RTL4: variants seen among roughly 807,000 people sequenced by gnomAD.
RTL4 encodes the protein retrotransposon Gag like 4.
Under a neutral mutation model 5.3 loss-of-function variants are expected in RTL4, and 4 were observed. That is an observed-to-expected ratio of 0.75 (90% CI 0.37 to 1.72). RTL4 has a LOEUF of 1.72. Among genes scored for constraint, RTL4 ranks in the 40% most tolerant of loss-of-function variants. RTL4 has a pLI of 0.04. For missense variants in RTL4, 260 were observed against 227.1 expected, an observed-to-expected ratio of 1.14 and a Z score of -0.93; for synonymous variants, 98 against 87.3, an observed-to-expected ratio of 1.12 and a Z score of -0.68.
the RTL4 span, among the ~76,000 whole-genome samples, chrX:112,342,187 G>A: frequency 4.5e-5 from 5 of 111,274 alleles, no homozygotes; most frequent in Non-Finnish European, 9.4e-5. Flanking sequence ...GAATAATAGA[G>A]TCATGGTATC....
the RTL4 span, among the ~76,000 whole-genome samples, chrX:112,443,278 G>C: frequency 1.8e-5 from 2 of 111,741 alleles, no homozygotes; most frequent in Admixed American, 9.5e-5. Context: ...ATTTTTTATT[G>C]CTGAATAGTA....
the RTL4 span, among the ~76,000 whole-genome samples, chrX:112,372,767 G>C: frequency 1.1e-4 from 12 of 111,892 alleles, no homozygotes; most frequent in African/African-American, 1.3e-4. Context: ...AGCTCTTCTT[G>C]TATCTAAAAC....
chrX:112,141,640 C>A, the RTL4 span, among the ~76,000 whole-genome samples: 360 of 110,433 alleles, frequency 3.3e-3, 2 homozygotes, highest in African/African-American at 0.011. Flanking sequence ...TTTTTAAATG[C>A]CACGGTGTCT....
the RTL4 span, among the ~76,000 whole-genome samples, chrX:112,144,203 G>A: frequency 9.0e-6 from 1 of 111,489 alleles, no homozygotes; most frequent in Non-Finnish European, 1.9e-5. Context: ...AGCTCTGGCT[G>A]CAGTACTTCA....
the RTL4 span, among the ~76,000 whole-genome samples, chrX:112,402,404 G>GTGTC: frequency 3.7e-5 from 2 of 54,195 alleles, no homozygotes; most frequent in South Asian, 1.6e-3. Context: ...TTATTATTGT[G>GTGTC]TGTGTGTGTG....
At chrX:112,098,808 T>A in the RTL4 span, among the ~76,000 whole-genome samples, 1 of 111,666 alleles carries the variant, frequency 9.0e-6, no homozygotes, top group East Asian at 2.8e-4. Flanking sequence ...TAATAAATGG[T>A]GCTGGGAAAA....
chrX:112,447,837 G>A, the RTL4 span, among the ~76,000 whole-genome samples: 2 of 112,024 alleles, frequency 1.8e-5, no homozygotes, highest in African/African-American at 6.5e-5. Context: ...GAAAGGCTAA[G>A]AGTTTCAGGT....
the RTL4 span, among the ~76,000 whole-genome samples, chrX:112,145,612 G>C: frequency 4.5e-5 from 5 of 112,182 alleles, no homozygotes; most frequent in African/African-American, 1.3e-4. Flanking sequence ...CTATTGGTTA[G>C]TGTGTGAGGA....
the RTL4 span, among the ~76,000 whole-genome samples, chrX:112,317,289 C>T: frequency 9.0e-6 from 1 of 111,451 alleles, no homozygotes; most frequent in Non-Finnish European, 1.9e-5. Context: ...TGCAGTGAGC[C>T]GAGATGGCGC....
the RTL4 span, among the ~76,000 whole-genome samples, chrX:112,344,303 G>A: frequency 6.3e-5 from 7 of 111,726 alleles, no homozygotes; most frequent in East Asian, 1.7e-3. Flanking sequence ...CAAAATTGCT[G>A]TATTAGTTTG....
chrX:112,288,271 G>T, the RTL4 span, among the ~76,000 whole-genome samples: 39 of 112,199 alleles, frequency 3.5e-4, no homozygotes, highest in Non-Finnish European at 6.2e-4. Flanking sequence ...TGATTGCCAG[G>T]TTGCTAGTGA....
chrX:112,116,437 G>C, the RTL4 span, among the ~76,000 whole-genome samples: 2 of 110,777 alleles, frequency 1.8e-5, no homozygotes, highest in Admixed American at 1.9e-4. Context: ...CTTCCACAGC[G>C]TGGAAGGGGA....
the RTL4 span, among the ~76,000 whole-genome samples, chrX:112,421,760 G>T: frequency 8.9e-6 from 1 of 111,844 alleles, no homozygotes; most frequent in Non-Finnish European, 1.9e-5. Flanking sequence ...TTTGGAATTT[G>T]GTTCCACACA....
the RTL4 span, among the ~76,000 whole-genome samples, chrX:112,209,480 A>T: frequency 9.0e-6 from 1 of 110,869 alleles, no homozygotes; most frequent in Non-Finnish European, 1.9e-5. Context: ...TTTCGGGTGG[A>T]CCCTTCATGT....
chrX:112,318,022 A>C, the RTL4 span, among the ~76,000 whole-genome samples: 13 of 112,291 alleles, frequency 1.2e-4, no homozygotes, highest in African/African-American at 4.2e-4. Flanking sequence ...AACACACAGC[A>C]CTTATTTTCA....
At chrX:112,329,107 G>A in the RTL4 span, among the ~76,000 whole-genome samples, 15 of 110,332 alleles carry the variant, frequency 1.4e-4, 1 homozygote, top group East Asian at 4.3e-3. Flanking sequence ...AACTAGAAAA[G>A]CAAGAGCAAA....
the RTL4 span, among the ~76,000 whole-genome samples, chrX:112,193,385 TTCTG>T: frequency 9.0e-6 from 1 of 111,519 alleles, no homozygotes; most frequent in South Asian, 3.7e-4. Flanking sequence ...ATCTTATTTC[TTCTG>T]TCTAACTGTA....
the RTL4 span, among the ~76,000 whole-genome samples, chrX:112,129,325 G>C: frequency 8.9e-6 from 1 of 111,812 alleles, no homozygotes; most frequent in Non-Finnish European, 1.9e-5. Context: ...TGATGATCCA[G>C]CAATTTTACT....
chrX:112,157,031 C>T, the RTL4 span, among the ~76,000 whole-genome samples: 6 of 106,400 alleles, frequency 5.6e-5, no homozygotes, highest in African/African-American at 1.7e-4. Context: ...TTGTTAGATG[C>T]GAGTGTTGAG....
Sources: allele counts gnomAD v4.1 joint callset (sites outside exome capture counted in the v4.1 genomes callset), GRCh38; gene constraint gnomAD v4.1.1; transcripts MANE v1.5; gene names NCBI Gene and HGNC (gene_info 2026-07-23, HGNC 2026-07-21).